RIT2: variants seen among roughly 807,000 people sequenced by gnomAD.
RIT2 encodes the protein Ras like without CAAX 2.
Under a neutral mutation model 23.7 loss-of-function variants are expected in RIT2, and 24 were observed. The ratio of observed to expected loss-of-function variants is 1.01; its 90% confidence interval spans 0.73 to 1.43. The LOEUF is 1.43. Ranked by LOEUF, RIT2 falls within the 40% of genes most tolerant of loss-of-function variation. The pLI is 0.00. For missense variants in RIT2, 236 were observed against 266.9 expected, an observed-to-expected ratio of 0.88 and a Z score of 0.81; for synonymous variants, 107 against 91.1, an observed-to-expected ratio of 1.17 and a Z score of -0.99.
intron 4 of RIT2, among the ~76,000 whole-genome samples, chr18:42,863,338 A>C (rs1251984626): frequency 6.6e-6 from 1 of 152,150 alleles, no homozygotes; most frequent in East Asian, 1.9e-4. Flanking sequence ...ATCATTCGAA[A>C]GGACACTTTG....
chr18:43,115,465 T>C lies in RIT2; in HGVS notation c.55A>G (p.Arg19Gly), dbSNP rs1914045812. 6.2e-7 allele frequency: 1 copy of C among 1,613,832 alleles called. No individual in the cohort carries two copies. Among genetic ancestry groups the C allele is most frequent in the Non-Finnish European group, 8.5e-7 (1 of 1,179,860 alleles). Residue 19 changes from arginine to glycine, a missense_variant, in exon 1 of 5, where the codon AGA (arginine) becomes GGA (glycine). Coordinates refer to ENST00000326695, the MANE Select transcript of RIT2 (RefSeq NM_002930.4). ...CSPGSASGGS[R>G]EYKVVMLGAG... ...CCCAGCATTACCACCTTGTACTCTC[T>C]GGACCCGCCTGATGCGCTGCCCGGG...
chr18:42,818,813 A>G (rs1242660267), intron 4 of RIT2, among the ~76,000 whole-genome samples: 1 of 152,104 alleles, frequency 6.6e-6, no homozygotes, highest in Non-Finnish European at 1.5e-5. Context: ...GAACAGTGAC[A>G]TAATACAGAA....
At chr18:43,080,251 G>A (rs1000896592) in intron 1 of RIT2, among the ~76,000 whole-genome samples, 1 of 152,134 alleles carries the variant, frequency 6.6e-6, no homozygotes, top group Non-Finnish European at 1.5e-5. Flanking sequence ...TGCAAAGGCA[G>A]GCATTTTTCT....
chr18:43,037,790 A>G (rs775317367), intron 1 of RIT2, among the ~76,000 whole-genome samples: 7 of 152,162 alleles, frequency 4.6e-5, no homozygotes, highest in Non-Finnish European at 1.0e-4. Context: ...ACTTGGCTGG[A>G]TATAAAATAC....
intron 2 of RIT2, among the ~76,000 whole-genome samples, chr18:42,997,944 A>T (rs1452782501): frequency 1.3e-5 from 2 of 152,114 alleles, no homozygotes; most frequent in Non-Finnish European, 2.9e-5. Context: ...AGAGAGAGAG[A>T]ATTTCAGTGA....
chr18:43,087,570 T>C (rs1201471329), intron 1 of RIT2, among the ~76,000 whole-genome samples: 1 of 152,172 alleles, frequency 6.6e-6, no homozygotes, highest in Admixed American at 6.6e-5. Context: ...TTCTCTCTGG[T>C]CCTACAGTAT....
chr18:42,864,514 T>C (rs1907416730), intron 4 of RIT2, among the ~76,000 whole-genome samples: 1 of 152,202 alleles, frequency 6.6e-6, no homozygotes, highest in Admixed American at 6.5e-5. Context: ...ATCTGGGCAC[T>C]GTCTTCAAAC....
chr18:42,867,542 C>A (rs763743564), intron 4 of RIT2, among the ~76,000 whole-genome samples: 1 of 151,910 alleles, frequency 6.6e-6, no homozygotes, highest in Non-Finnish European at 1.5e-5. Context: ...CCTGTAATCC[C>A]AGCACCACTG....
At chr18:42,899,975 T>G (rs1908431164) in intron 4 of RIT2, among the ~76,000 whole-genome samples, 1 of 152,086 alleles carries the variant, frequency 6.6e-6, no homozygotes, top group South Asian at 2.1e-4. Context: ...GTTAGTTTAA[T>G]AAGTACAAAA....
chr18:43,083,179 G>A (rs1210973412), intron 1 of RIT2, among the ~76,000 whole-genome samples: 2 of 152,154 alleles, frequency 1.3e-5, no homozygotes, highest in African/African-American at 4.8e-5. Context: ...CAAGGGACGT[G>A]AAGGACTTCT....
At chr18:42,762,039 G>A (rs1002852425) in intron 4 of RIT2, among the ~76,000 whole-genome samples, 1 of 152,214 alleles carries the variant, frequency 6.6e-6, no homozygotes, top group African/African-American at 2.4e-5. Context: ...GATACTGCCA[G>A]AAATAAGTTT....
chr18:43,002,474 C>T (rs1228254541), intron 2 of RIT2, among the ~76,000 whole-genome samples: 1 of 151,820 alleles, frequency 6.6e-6, no homozygotes, highest in East Asian at 2.0e-4. Flanking sequence ...TTAACCATTA[C>T]ATTCAGTAAC....
intron 4 of RIT2, among the ~76,000 whole-genome samples, chr18:42,864,631 T>C (rs1003420525): frequency 6.6e-6 from 1 of 152,200 alleles, no homozygotes; most frequent in Admixed American, 6.6e-5. Context: ...AGAAATTCTG[T>C]GCTATTTACA....
intron 4 of RIT2, among the ~76,000 whole-genome samples, chr18:42,805,424 A>T (rs1022218422): frequency 6.6e-6 from 1 of 152,228 alleles, no homozygotes; most frequent in Non-Finnish European, 1.5e-5. Context: ...GTATTTCAAC[A>T]GCCTTTCCAA....
intron 4 of RIT2, among the ~76,000 whole-genome samples, chr18:42,793,040 T>C (rs1914077724): frequency 6.7e-6 from 1 of 149,784 alleles, no homozygotes; most frequent in African/African-American, 2.5e-5. Context: ...ACAAGCACTC[T>C]CACTGTTAAC....
intron 4 of RIT2, among the ~76,000 whole-genome samples, chr18:42,797,946 A>G (rs1905422246): frequency 6.6e-6 from 1 of 152,062 alleles, no homozygotes; most frequent in Non-Finnish European, 1.5e-5. Flanking sequence ...GATTCTCTAT[A>G]CTCTTATTTG....
chr18:42,853,398 C>T (rs745704939), intron 4 of RIT2, among the ~76,000 whole-genome samples: 19 of 152,230 alleles, frequency 1.2e-4, no homozygotes, highest in South Asian at 8.3e-4. Flanking sequence ...ACTCAGACTA[C>T]GTTGAAACAT....
At chr18:42,745,566 CTTATT>C (rs1912897659) in intron 4 of RIT2, among the ~76,000 whole-genome samples, 1 of 152,098 alleles carries the variant, frequency 6.6e-6, no homozygotes, top group Non-Finnish European at 1.5e-5. Context: ...GATTATCTCT[CTTATT>C]TTATTTTTTT....
At chr18:42,824,561 C>T (rs1401542513) in intron 4 of RIT2, among the ~76,000 whole-genome samples, 2 of 151,880 alleles carry the variant, frequency 1.3e-5, no homozygotes, top group Non-Finnish European at 2.9e-5. Flanking sequence ...AAGTATTAAG[C>T]TGAAGAGATA....
Sources: gnomAD v4.1 joint callset for allele counts (sites outside exome capture counted in the v4.1 genomes callset) on GRCh38, gnomAD v4.1.1 for gene constraint, MANE v1.5 for transcripts, NCBI Gene and HGNC (gene_info 2026-07-23, HGNC 2026-07-21) for gene names.